Variants in HEG1 observed in about 807,000 individuals in gnomAD.
The protein encoded by HEG1 is protein HEG homolog 1.
In HEG1, 56 loss-of-function variants were observed where a neutral mutation model predicts 125.6. That is an observed-to-expected ratio of 0.45 (90% CI 0.36 to 0.56). The LOEUF is 0.56. Among genes scored for constraint, HEG1 ranks in the 20% least tolerant of loss-of-function variants. The pLI is 0.00. For synonymous variants in HEG1, 644 were observed against 668.5 expected (o/e 0.96, Z 0.57); for missense variants, 1,523 against 1,670.0 (o/e 0.91, Z 1.53).
intron 14 of HEG1, among the ~76,000 whole-genome samples, chr3:124,986,173 AT>A (rs1301079582): frequency 1.3e-5 from 2 of 152,218 alleles, no homozygotes; most frequent in African/African-American, 4.8e-5. Flanking sequence ...GTTATGCCTA[AT>A]GCCAAAATCT....
chr3:124,979,785 C>T (rs1005358112), intron 14 of HEG1, among the ~76,000 whole-genome samples: 1 of 152,182 alleles, frequency 6.6e-6, no homozygotes, highest in South Asian at 2.1e-4. Flanking sequence ...AGGATGTAAA[C>T]AAGGATGAGG....
chr3:125,036,673 A>G (rs1937550962), intron 1 of HEG1, among the ~76,000 whole-genome samples: 1 of 152,246 alleles, frequency 6.6e-6, no homozygotes, highest in Admixed American at 6.5e-5. Context: ...TGCAATTCAC[A>G]AAAGGAAATA....
intron 15 of HEG1, 146 bp downstream of exon 15, chr3:124,977,713 C>A (rs1481006121): frequency 2.2e-6 from 1 of 456,798 alleles, no homozygotes. Flanking sequence ...TCGTGAATTC[C>A]CTTTCTCCTT....
chr3:124,974,123 A>G (rs938859449), intron 15 of HEG1, among the ~76,000 whole-genome samples: 1 of 152,116 alleles, frequency 6.6e-6, no homozygotes, highest in Admixed American at 6.5e-5. Context: ...AATTCTTCCA[A>G]CCCAAAGGGG....
rs757085307 is a variant in HEG1 at position 125,019,458 on chromosome 3, T to C, written c.1392A>G (p.Thr464=). The change falls in exon 5 of 17, where the codon ACA becomes ACG. Residue 464 remains threonine, a synonymous_variant. Coordinates refer to ENST00000311127, the MANE Select transcript of HEG1 (RefSeq NM_020733.2). ...ITAHWLLTNS[T]TSADVTGSSA... ...AGCTTCCTGTCACATCTGCAGATGT[T>C]GTGCTGTTGGTCAAGAGCCAGTGTG... 3 of 1,613,930 alleles carry C rather than the reference T, an allele frequency of 1.9e-6. No individual in the cohort carries two copies. Among genetic ancestry groups the C allele is most frequent in the Non-Finnish European group, 2.5e-6 (3 of 1,179,910 alleles).
chr3:124,977,912 C>G lies in HEG1; in HGVS notation c.3768G>C (p.Ala1256=). The change falls in exon 15 of 17, where the codon GCG becomes GCC. Residue 1256 remains alanine, a synonymous_variant. Transcript: ENST00000311127. ...CTAGGATGAGCAGGAGCCCACCTCC[C>G]GCGGCTGCGATCACCACAGTGATAA... ...YQLITVVIAA[A]GGGLLLILGI... is the part of the protein sequence containing the mutation. 2 of 1,580,666 alleles carry G rather than the reference C, an allele frequency of 1.3e-6. No individual in the cohort carries two copies. Among genetic ancestry groups the G allele is most frequent in the Non-Finnish European group, 1.7e-6 (2 of 1,163,288 alleles).
chr3:125,038,841 T>C (rs1007196958), intron 1 of HEG1, among the ~76,000 whole-genome samples: 2 of 152,094 alleles, frequency 1.3e-5, no homozygotes, highest in African/African-American at 4.8e-5. Context: ...TTCCTCAAGC[T>C]TCAGAGCCTG....
At chr3:125,006,357 C>CA (rs1483637317) in intron 8 of HEG1, among the ~76,000 whole-genome samples, 1 of 152,176 alleles carries the variant, frequency 6.6e-6, no homozygotes, top group East Asian at 1.9e-4. Context: ...AATGGGCAGG[C>CA]AACCAAAATT....
intron 9 of HEG1, among the ~76,000 whole-genome samples, chr3:125,002,661 G>A (rs1937017488): frequency 6.6e-6 from 1 of 152,176 alleles, no homozygotes; most frequent in African/African-American, 2.4e-5. Flanking sequence ...TTTGGACTCT[G>A]CATAGTGAAC....
At chr3:124,997,666 A>G in intron 12 of HEG1, 23 bp downstream of exon 12, 1 of 1,554,454 alleles carries the variant, frequency 6.4e-7, no homozygotes, top group Non-Finnish European at 8.7e-7. Context: ...TGGGCACAGA[A>G]CCCCAGGCGA....
chr3:125,005,155 A>G (rs1937054122), intron 9 of HEG1, 110 bp downstream of exon 9: 3 of 665,234 alleles, frequency 4.5e-6, no homozygotes, highest in African/African-American at 1.9e-5. Flanking sequence ...AAATATAACA[A>G]AAGTGAAGAG....
chr3:124,977,146 C>T (rs1180522911), intron 15 of HEG1, among the ~76,000 whole-genome samples: 2 of 152,190 alleles, frequency 1.3e-5, no homozygotes, highest in African/African-American at 4.8e-5. Flanking sequence ...TCTTTGCCTG[C>T]TGCCATTCAC....
At chr3:125,025,453 A>T (rs1227146443) in intron 3 of HEG1, among the ~76,000 whole-genome samples, 2 of 152,230 alleles carry the variant, frequency 1.3e-5, no homozygotes, top group African/African-American at 4.8e-5. Context: ...GACTCAAGAG[A>T]TATGAAAGAT....
rs180961759 is a variant in HEG1, at chr3:124,966,653, T to C, written c.*3999A>G. 161 of 152,360 alleles carry C rather than the reference T, an allele frequency of 1.1e-3. No homozygotes were observed. Among genetic ancestry groups the C allele is most frequent in the African/African-American group, 3.7e-3 (152 of 41,584 alleles). 9.4% of individuals were successfully genotyped at this position (152,360 alleles called of 1,614,324 possible). A position where few individuals can be genotyped will look rare whatever the true frequency, so the allele number is the denominator to read the frequency against. ...TACAAAGTATTGAAATACTGAACTT[T>C]GCATTCTTCCTCTTTCCAAAGAAGT... On this transcript the variant is annotated 3_prime_UTR_variant, in exon 17 of 17. Transcript: ENST00000311127.
rs367602751 is a variant in HEG1, at chr3:125,044,687, TA to T, written c.316+10887del. ...GTCTGACTGCAATGAAAATCCAGTTTAAAAAAAATACAGAAATAGAGAAAGA... is the reference window on the plus strand; with the variant it reads ...GTCTGACTGCAATGAAAATCCAGTTTAAAAAAATACAGAAATAGAGAAAGA... On this transcript the variant is annotated intron_variant, in intron 1 of 16. Transcript: ENST00000311127. 4.8e-3 allele frequency among the ~76,000 whole-genome samples: 733 copies of T among 151,860 alleles called. 3 individuals carry two copies. Among genetic ancestry groups the T allele is most frequent in the African/African-American group, 0.017 (712 of 41,400 alleles).
intron 12 of HEG1, among the ~76,000 whole-genome samples, chr3:124,995,209 G>T (rs1398485656): frequency 3.9e-5 from 6 of 152,120 alleles, no homozygotes; most frequent in Non-Finnish European, 7.4e-5. Context: ...TGAGGTGGGA[G>T]GATCACTTGA....
chr3:125,024,729 G>A lies in HEG1; in HGVS notation c.913+2476C>T, dbSNP rs144426546. 3.2e-4 allele frequency among the ~76,000 whole-genome samples: 48 copies of A among 152,334 alleles called. No homozygotes were observed. In the East Asian group the frequency reaches 8.9e-3, roughly 28 times the overall value. On this transcript the variant is annotated intron_variant, in intron 3 of 16. Coordinates refer to ENST00000311127, the MANE Select transcript of HEG1 (RefSeq NM_020733.2). ...TCGGAAGAGGTTATGTTGCATGCAT[G>A]TTTCTGTGTAGCTGAGTGAAGAGTG...
chr3:125,029,086 C>A, intron 2 of HEG1, 109 bp downstream of exon 2: 9 of 1,258,434 alleles, frequency 7.2e-6, no homozygotes, highest in Non-Finnish European at 9.9e-6. Flanking sequence ...AGCCTAGGAA[C>A]CTTGGAAGGG....
At chr3:125,036,044 T>C (rs1469412840) in intron 1 of HEG1, among the ~76,000 whole-genome samples, 1 of 151,334 alleles carries the variant, frequency 6.6e-6, no homozygotes, top group Non-Finnish European at 1.5e-5. Context: ...ATTCTGTCTC[T>C]ACAAAATAAA....
Sources: allele counts gnomAD v4.1 joint callset (sites outside exome capture counted in the v4.1 genomes callset), GRCh38; gene constraint gnomAD v4.1.1; transcripts MANE v1.5; gene names NCBI Gene and HGNC (gene_info 2026-07-23, HGNC 2026-07-21).